Variants in MYRIP observed in about 807,000 individuals in gnomAD.
The protein encoded by MYRIP is rab effector MyRIP.
MYRIP carries 49 observed loss-of-function variants against 98.0 expected under a neutral mutation model. That is an observed-to-expected ratio of 0.50 (90% CI 0.40 to 0.63). The LOEUF is 0.63. Ranked by LOEUF, MYRIP falls within the 30% of genes least tolerant of loss-of-function variation. The pLI, the probability that MYRIP is intolerant of heterozygous loss-of-function variation, is 0.00. For missense variants in MYRIP, 1,004 were observed against 1,058.2 expected, an observed-to-expected ratio of 0.95 and a Z score of 0.71; for synonymous variants, 404 against 409.5, an observed-to-expected ratio of 0.99 and a Z score of 0.16.
At chr3:40,233,734 G>A (rs1202826364) in intron 11 of MYRIP, 125 bp from the exon 12 acceptor site, 7 of 862,166 alleles carry the variant, frequency 8.1e-6, no homozygotes, top group South Asian at 1.7e-5. Context: ...CAGCACATTG[G>A]TGTTTGTGTG....
At chr3:40,061,199 C>T (rs12493957) in intron 3 of MYRIP, among the ~76,000 whole-genome samples, 12,838 of 152,146 alleles carry the variant, frequency 0.084, 619 homozygotes, top group East Asian at 0.22. Flanking sequence ...AAGCCCAGTA[C>T]CCAATAGTTA....
chr3:40,034,740 T>G (rs1300163684), intron 2 of MYRIP, among the ~76,000 whole-genome samples: 1 of 151,778 alleles, frequency 6.6e-6, no homozygotes, highest in Non-Finnish European at 1.5e-5. Flanking sequence ...CCCAGAGGAT[T>G]ATAAATCATG....
chr3:40,150,008 C>T (rs887762735), intron 3 of MYRIP, among the ~76,000 whole-genome samples: 3 of 151,956 alleles, frequency 2.0e-5, no homozygotes, highest in Non-Finnish European at 4.4e-5. Context: ...ATAAGAAAAG[C>T]AGCTGTTTTC....
intron 3 of MYRIP, among the ~76,000 whole-genome samples, chr3:40,149,462 A>G (rs1205726492): frequency 6.6e-6 from 1 of 152,214 alleles, no homozygotes; most frequent in Non-Finnish European, 1.5e-5. Context: ...TCCAAACTAT[A>G]TCAGCTTCAC....
At chr3:40,039,838 C>G (rs1327333452) in intron 2 of MYRIP, among the ~76,000 whole-genome samples, 3 of 151,868 alleles carry the variant, frequency 2.0e-5, no homozygotes, top group Non-Finnish European at 4.4e-5. Flanking sequence ...TTCTGTAGGT[C>G]AGAAGTCTAC....
At chr3:40,003,306 T>C (rs2125787809) in intron 2 of MYRIP, among the ~76,000 whole-genome samples, 1 of 152,314 alleles carries the variant, frequency 6.6e-6, no homozygotes, top group Non-Finnish European at 1.5e-5. Flanking sequence ...AAGGGATTTT[T>C]AGGGAGTGGA....
At chr3:40,124,303 C>G (rs1949473531) in intron 3 of MYRIP, among the ~76,000 whole-genome samples, 1 of 152,202 alleles carries the variant, frequency 6.6e-6, no homozygotes, top group Admixed American at 6.5e-5. Context: ...ACCACAGACT[C>G]ACTTGGGCCG....
intron 4 of MYRIP, among the ~76,000 whole-genome samples, chr3:40,158,475 G>A: frequency 6.6e-6 from 1 of 152,140 alleles, no homozygotes; most frequent in Non-Finnish European, 1.5e-5. Flanking sequence ...ATATTCTGTT[G>A]ATTTGGGGTG....
chr3:40,033,933 C>T (rs551390345), intron 2 of MYRIP, among the ~76,000 whole-genome samples: 2,642 of 152,172 alleles, frequency 0.017, 70 homozygotes, highest in African/African-American at 0.059. Flanking sequence ...CTACAACTAT[C>T]TGATCTTTGA....
intron 11 of MYRIP, among the ~76,000 whole-genome samples, chr3:40,226,412 G>A (rs951295397): frequency 1.3e-5 from 2 of 152,116 alleles, no homozygotes; most frequent in African/African-American, 4.8e-5. Flanking sequence ...CACCTTATAT[G>A]CTTTTATCCC....
intron 1 of MYRIP, among the ~76,000 whole-genome samples, chr3:39,891,601 A>G (rs184201520): frequency 3.0e-4 from 46 of 152,250 alleles, no homozygotes; most frequent in Admixed American, 1.8e-3. Context: ...TGCTGGATCA[A>G]TGGTATTTAA....
chr3:40,048,747 C>T (rs1947724418), intron 3 of MYRIP, among the ~76,000 whole-genome samples: 1 of 152,004 alleles, frequency 6.6e-6, no homozygotes, highest in Non-Finnish European at 1.5e-5. Flanking sequence ...AATTTTGCTT[C>T]ATATATTTTG....
intron 1 of MYRIP, among the ~76,000 whole-genome samples, chr3:39,846,515 A>AT (rs1941971503): frequency 6.6e-6 from 1 of 152,180 alleles, no homozygotes; most frequent in Non-Finnish European, 1.5e-5. Context: ...TGCTGTTTCT[A>AT]TCCAACTACC....
In MYRIP at chr3:39,965,945, T is replaced by G. The variant is rs969914307; in HGVS notation, c.110+65019T>G. On this transcript the variant is annotated intron_variant, in intron 2 of 16. Transcript: ENST00000302541. ...ATCAGTTGAAACTAGTTGTTCCTTT[T>G]GTGGTTGCAATGAAATACACATTGT... Among the ~76,000 whole-genome samples the G allele has an allele frequency of 2.0e-5, 3 of 152,182 alleles. No individual in the cohort carries two copies. The South Asian group carries it at 6.2e-4, about 32-fold the overall frequency.
chr3:40,077,987 C>T (rs921579164), intron 3 of MYRIP, among the ~76,000 whole-genome samples: 5 of 152,326 alleles, frequency 3.3e-5, no homozygotes, highest in East Asian at 1.9e-4. Flanking sequence ...GGGTGGCGCT[C>T]GTTGGGGAGG....
chr3:40,056,951 A>G (rs1947897820), intron 3 of MYRIP, among the ~76,000 whole-genome samples: 1 of 152,202 alleles, frequency 6.6e-6, no homozygotes, highest in African/African-American at 2.4e-5. Flanking sequence ...TGAGGATTAA[A>G]TCAAGGAAAT....
At chr3:39,866,629 G>T (rs1421527486) in intron 1 of MYRIP, among the ~76,000 whole-genome samples, 9 of 151,976 alleles carry the variant, frequency 5.9e-5, no homozygotes, top group Non-Finnish European at 1.3e-4. Flanking sequence ...TTTGCCCATG[G>T]TGGTAAAAGA....
intron 1 of MYRIP, among the ~76,000 whole-genome samples, chr3:39,811,004 G>C (rs1217179873): frequency 6.6e-6 from 1 of 152,164 alleles, no homozygotes; most frequent in Non-Finnish European, 1.5e-5. Flanking sequence ...GGAAGACTGA[G>C]ACTGGGGGCT....
intron 2 of MYRIP, among the ~76,000 whole-genome samples, chr3:40,023,392 A>G (rs1382843006): frequency 6.6e-6 from 1 of 152,218 alleles, no homozygotes; most frequent in Non-Finnish European, 1.5e-5. Flanking sequence ...AGCAACAGGA[A>G]AAACATAATG....
Sources: allele counts gnomAD v4.1 joint callset (sites outside exome capture counted in the v4.1 genomes callset), GRCh38; gene constraint gnomAD v4.1.1; transcripts MANE v1.5; gene names NCBI Gene and HGNC (gene_info 2026-07-23, HGNC 2026-07-21).